The following CCDC178 variants were observed in gnomAD, a reference collection of about 807,000 sequenced individuals.
The protein encoded by CCDC178 is coiled-coil domain-containing protein 178.
A neutral mutation model predicts 117.4 loss-of-function variants in CCDC178; 126 were observed. The observed-to-expected ratio is 1.07, with a 90% CI of 0.93 to 1.24. CCDC178 has a LOEUF of 1.24. Among genes scored for constraint, CCDC178 ranks in the 50% most tolerant of loss-of-function variants. The probability of loss-of-function intolerance (pLI) is 0.00; values close to 1 mark genes in which losing one functional copy is unlikely to be tolerated. For synonymous variants in CCDC178, 283 were observed against 313.4 expected, an observed-to-expected ratio of 0.90 and a Z score of 1.02; for missense variants, 1,030 against 986.9, an observed-to-expected ratio of 1.04 and a Z score of -0.59.
intron 11 of CCDC178, among the ~76,000 whole-genome samples, chr18:33,312,502 T>G (rs1419032621): frequency 6.6e-6 from 1 of 152,152 alleles, no homozygotes; most frequent in African/African-American, 2.4e-5. Flanking sequence ...AAGCAAACTT[T>G]TCTATCTTTA....
intron 11 of CCDC178, among the ~76,000 whole-genome samples, chr18:33,316,998 A>G (rs2062428155): frequency 6.6e-6 from 1 of 152,150 alleles, no homozygotes. Flanking sequence ...GCTCTCTGTA[A>G]AACAGAACAA....
At chr18:33,234,365 A>G (rs777613570) in intron 15 of CCDC178, among the ~76,000 whole-genome samples, 1 of 152,096 alleles carries the variant, frequency 6.6e-6, no homozygotes, top group South Asian at 2.1e-4. Context: ...CAATTTTGGC[A>G]AAGTATTCTG....
chr18:32,990,539 G>A (rs2055366632), intron 21 of CCDC178, among the ~76,000 whole-genome samples: 1 of 151,914 alleles, frequency 6.6e-6, no homozygotes, highest in African/African-American at 2.4e-5. Context: ...TTCTGAATGT[G>A]AAAAAAATTC....
intron 12 of CCDC178, among the ~76,000 whole-genome samples, chr18:33,282,736 G>A (rs982678292): frequency 1.3e-5 from 2 of 152,136 alleles, no homozygotes; most frequent in Non-Finnish European, 2.9e-5. Flanking sequence ...TGCCCTGCCA[G>A]CACATGGGAG....
chr18:32,963,234 A>G (rs2054743922), intron 22 of CCDC178, among the ~76,000 whole-genome samples: 1 of 152,080 alleles, frequency 6.6e-6, no homozygotes, highest in Admixed American at 6.6e-5. Flanking sequence ...TGTCTATTCC[A>G]TATCCCAGGA....
intron 20 of CCDC178, among the ~76,000 whole-genome samples, chr18:33,143,227 G>A (rs1598926542): frequency 6.6e-6 from 1 of 152,080 alleles, no homozygotes; most frequent in African/African-American, 2.4e-5. Context: ...TCGAATTTTG[G>A]GAATGAGGAT....
chr18:33,355,481 C>A (rs996033560), intron 7 of CCDC178, among the ~76,000 whole-genome samples: 2 of 152,308 alleles, frequency 1.3e-5, no homozygotes, highest in South Asian at 2.1e-4. Context: ...GCTGTTTAAA[C>A]CCTGACTCTG....
chr18:33,304,292 G>T (rs1310127831), intron 11 of CCDC178, among the ~76,000 whole-genome samples: 1 of 152,128 alleles, frequency 6.6e-6, no homozygotes, highest in Non-Finnish European at 1.5e-5. Context: ...ATTGCTGGTT[G>T]TTGGCAGCAA....
intron 21 of CCDC178, among the ~76,000 whole-genome samples, chr18:32,981,836 C>T (rs1390184568): frequency 6.6e-6 from 1 of 152,116 alleles, no homozygotes; most frequent in Admixed American, 6.5e-5. Context: ...TTTCCTTCAT[C>T]CCACTCATAC....
At chr18:33,429,789 G>C (rs555369194) in intron 2 of CCDC178, among the ~76,000 whole-genome samples, 3 of 152,248 alleles carry the variant, frequency 2.0e-5, no homozygotes, top group South Asian at 2.1e-4. Context: ...CTAGAGAATA[G>C]AGAGTATTTG....
At chr18:33,241,478 A>G (rs2059487855) in intron 15 of CCDC178, among the ~76,000 whole-genome samples, 1 of 150,402 alleles carries the variant, frequency 6.6e-6, no homozygotes, top group Non-Finnish European at 1.5e-5. Context: ...GTAGAGAGAG[A>G]CTCTACCAAA....
At chr18:33,345,161 A>T (rs1462856589) in intron 9 of CCDC178, among the ~76,000 whole-genome samples, 1 of 152,098 alleles carries the variant, frequency 6.6e-6, no homozygotes, top group African/African-American at 2.4e-5. Context: ...TAAATGATAG[A>T]TCATATATGG....
At chr18:33,175,145 G>C (rs899784954) in intron 20 of CCDC178, among the ~76,000 whole-genome samples, 1 of 152,022 alleles carries the variant, frequency 6.6e-6, no homozygotes, top group African/African-American at 2.4e-5. Context: ...CAAAGTGCTA[G>C]GATTACAGGC....
At chr18:33,359,072 G>C (rs906258634) in intron 6 of CCDC178, among the ~76,000 whole-genome samples, 2 of 151,772 alleles carry the variant, frequency 1.3e-5, no homozygotes, top group African/African-American at 2.4e-5. Flanking sequence ...TGATTTATGT[G>C]ACAGTTCTAA....
chr18:33,018,612 G>A (rs2056047309), intron 21 of CCDC178, among the ~76,000 whole-genome samples: 1 of 152,040 alleles, frequency 6.6e-6, no homozygotes, highest in Non-Finnish European at 1.5e-5. Context: ...ATGCCTTAAA[G>A]CATTAAGAAA....
chr18:33,083,728 T>C (rs1219631539), intron 21 of CCDC178, among the ~76,000 whole-genome samples: 1 of 152,246 alleles, frequency 6.6e-6, no homozygotes, highest in Admixed American at 6.5e-5. Context: ...GGTAAAAATA[T>C]TAAGTTCATG....
intron 15 of CCDC178, among the ~76,000 whole-genome samples, chr18:33,228,088 T>C (rs1239316452): frequency 6.6e-6 from 1 of 152,194 alleles, no homozygotes; most frequent in East Asian, 1.9e-4. Flanking sequence ...AATGTGTATG[T>C]ATGGGCATGT....
intron 20 of CCDC178, among the ~76,000 whole-genome samples, chr18:33,139,691 G>C (rs532402359): frequency 6.6e-6 from 1 of 152,142 alleles, no homozygotes; most frequent in Non-Finnish European, 1.5e-5. Flanking sequence ...GCTGTTAAAG[G>C]CATTCAGTTT....
At chr18:33,034,414 T>G (rs1036228918) in intron 21 of CCDC178, among the ~76,000 whole-genome samples, 1 of 152,050 alleles carries the variant, frequency 6.6e-6, no homozygotes, top group Non-Finnish European at 1.5e-5. Flanking sequence ...TATGATAAGG[T>G]CAAACTCCTC....
Sources: allele counts gnomAD v4.1 joint callset (sites outside exome capture counted in the v4.1 genomes callset), GRCh38; gene constraint gnomAD v4.1.1; transcripts MANE v1.5; gene names NCBI Gene and HGNC (gene_info 2026-07-23, HGNC 2026-07-21).